The following CRAMP1 variants were observed in gnomAD, a reference collection of about 807,000 sequenced individuals.
CRAMP1 encodes the protein protein cramped-like.
Under a neutral mutation model 115.4 loss-of-function variants are expected in CRAMP1, and 50 were observed. That is an observed-to-expected ratio of 0.43 (90% CI 0.35 to 0.55). The LOEUF is 0.55. Among genes scored for constraint, CRAMP1 ranks in the 20% least tolerant of loss-of-function variants. CRAMP1 has a pLI of 0.01. For missense variants in CRAMP1, 1,679 were observed against 1,721.7 expected, an observed-to-expected ratio of 0.98 and a Z score of 0.44; for synonymous variants, 866 against 745.4, an observed-to-expected ratio of 1.16 and a Z score of -2.64.
At chr16:1,640,472 A>T (rs1456523473) in intron 5 of CRAMP1, among the ~76,000 whole-genome samples, 5 of 152,208 alleles carry the variant, frequency 3.3e-5, no homozygotes, top group African/African-American at 1.2e-4. Flanking sequence ...TCGTTTGTGG[A>T]GTTTTTTTCC....
rs60766555 is a variant in CRAMP1 at position 1,666,716 on chromosome 16, G to T, written c.3036+116G>T. The T allele has an allele frequency of 0.02, 19,134 of 963,902 alleles. 1,745 individuals carry two copies. In the Admixed American group the frequency reaches 0.21, roughly 11 times the overall value. The allele number at this position is 963,902 out of a possible 1,614,324, so 59.7% of individuals were successfully genotyped here. ...CTCTGCCTTTGGAGGAGAGTCTCTGGACCAGGGGTGCCATGGCATAAGCAA... is the reference window on the plus strand; with the variant it reads ...CTCTGCCTTTGGAGGAGAGTCTCTGTACCAGGGGTGCCATGGCATAAGCAA... On this transcript the variant is annotated intron_variant, in intron 16 of 20. Coordinates refer to ENST00000397412, the MANE Select transcript of CRAMP1 (RefSeq NM_020825.4). The surrounding 1 kb of genome is among the most constrained non-coding windows in gnomAD (Gnocchi z 5.0).
In CRAMP1 at chr16:1,614,965, G is replaced by T; in HGVS notation, c.326G>T (p.Gly109Val). The T allele has an allele frequency of 8.0e-7, 1 of 1,257,146 alleles. No homozygotes were observed. The allele number at this position is 1,257,146 out of a possible 1,614,324, so 77.9% of individuals were successfully genotyped here. A position where few individuals can be genotyped will look rare whatever the true frequency, so the allele number is the denominator to read the frequency against. Reference protein sequence around the residue: ...PSAVGSGNAGGSGPRGKGAEG... With the variant: ...PSAVGSGNAGVSGPRGKGAEG... ...GCTGTGGGGAGCGGCAACGCCGGTG[G>T]CTCGGGGCCCCGCGGAAAAGGTAGG... The change falls in exon 2 of 21, where the codon GGC (glycine) becomes GTC (valine). Residue 109 changes from glycine to valine, a missense_variant. Gly to Val is a moderately radical substitution (Grantham distance 109). Around this residue, in one of 8 missense-constraint regions of CRAMP1, gnomAD observed 264 missense variants for 229.7 expected, o/e 1.15. Coordinates refer to ENST00000397412, the MANE Select transcript of CRAMP1 (RefSeq NM_020825.4). This position sits in a 1 kb window ranked among gnomAD's most constrained non-coding sequence, Gnocchi z 4.4.
chr16:1,649,641 C>G (rs188644029), intron 6 of CRAMP1, among the ~76,000 whole-genome samples: 21 of 152,128 alleles, frequency 1.4e-4, no homozygotes, highest in Middle Eastern at 3.4e-3. Flanking sequence ...AGGCACCCAC[C>G]ACCACGCCTG....
At chr16:1,627,729 C>G (rs549632485) in intron 3 of CRAMP1, among the ~76,000 whole-genome samples, 1 of 152,314 alleles carries the variant, frequency 6.6e-6, no homozygotes, top group East Asian at 1.9e-4. Flanking sequence ...CATTTAAACA[C>G]ATTCGTGTGT....
At chr16:1,638,544 G>C (rs1329132775) in intron 5 of CRAMP1, among the ~76,000 whole-genome samples, 1 of 152,150 alleles carries the variant, frequency 6.6e-6, no homozygotes, top group East Asian at 1.9e-4. Flanking sequence ...AGACATTTTT[G>C]ACACGACCTC....
intron 2 of CRAMP1, among the ~76,000 whole-genome samples, chr16:1,616,546 C>A (rs1165427862): frequency 2.6e-5 from 4 of 152,136 alleles, no homozygotes; most frequent in Non-Finnish European, 4.4e-5. Flanking sequence ...GCTGCTGAGA[C>A]GTTAGTGATC....
chr16:1,659,040 T>A (rs546096549), intron 10 of CRAMP1, among the ~76,000 whole-genome samples: 1 of 152,176 alleles, frequency 6.6e-6, no homozygotes, highest in African/African-American at 2.4e-5. Context: ...GCACATCCCC[T>A]GGGGTTGGGC....
rs373148310 is a variant in CRAMP1 at position 1,665,116 on chromosome 16, C to T, written c.2730C>T (p.Ile910=). The T allele has an allele frequency of 1.9e-6, 3 of 1,612,356 alleles. No individual in the cohort carries two copies. Among genetic ancestry groups the T allele is most frequent in the Admixed American group, 3.3e-5 (2 of 60,036 alleles). The stretch of plus-strand genomic sequence containing the variant: ...CCCACAACGTTTGTTCCTTCTCCAT[C>T]CTGTCTAACTCTTCCGTAACTGGTA... ...NQSHNVCSFS[I]LSNSSVTGRG... The change falls in exon 14 of 21, where the codon ATC becomes ATT. Residue 910 remains isoleucine, a synonymous_variant. Coordinates refer to ENST00000397412, the MANE Select transcript of CRAMP1 (RefSeq NM_020825.4).
At chr16:1,668,889 AG>A in intron 18 of CRAMP1, 111 bp from the exon 19 acceptor site, 1 of 961,088 alleles carries the variant, frequency 1.0e-6, no homozygotes, top group Admixed American at 2.4e-5. Context: ...CATCTGGTTC[AG>A]CAGGGTAGAG....
At chr16:1,620,543 C>G in intron 2 of CRAMP1, 1 of 432,620 alleles carries the variant, frequency 2.3e-6, no homozygotes. Flanking sequence ...AGGAAGTTCA[C>G]CAAACCACAG....
rs2036902736 is a variant in CRAMP1, at chr16:1,669,330, C to T, written c.3499+165C>T. Among the ~76,000 whole-genome samples, 1 of 152,204 alleles carries T rather than the reference C, an allele frequency of 6.6e-6. No homozygotes were observed. The highest frequency in any genetic ancestry group is 1.5e-5 in the Non-Finnish European group (1 of 68,046). ...AGTTAATATTTTTGGGTGTAATTTA[C>T]ATGTAGGAAAATGTACACATTTTTA... is the stretch of plus-strand genomic sequence containing the variant. On this transcript the variant is annotated intron_variant, in intron 19 of 20. Transcript: ENST00000397412. The surrounding 1 kb of genome is among the most constrained non-coding windows in gnomAD (Gnocchi z 4.6).
chr16:1,666,672 A>T lies in CRAMP1; in HGVS notation c.3036+72A>T. Reference sequence around the variant, plus strand: ...TGTGGACGCCAAAGCCATGGGGCTGAGATCACGCTGGACTCCAGCTCTGCC... The same window carrying T: ...TGTGGACGCCAAAGCCATGGGGCTGTGATCACGCTGGACTCCAGCTCTGCC... On this transcript the variant is annotated intron_variant, in intron 16 of 20. Coordinates refer to ENST00000397412, the MANE Select transcript of CRAMP1 (RefSeq NM_020825.4). The surrounding 1 kb of genome is among the most constrained non-coding windows in gnomAD (Gnocchi z 5.0). 2.1e-6 allele frequency: 3 copies of T among 1,401,052 alleles called. No homozygotes were observed. Among genetic ancestry groups the T allele is most frequent in the Non-Finnish European group, 3.0e-6 (3 of 997,576 alleles). 86.8% of individuals were successfully genotyped at this position (1,401,052 alleles called of 1,614,324 possible).
rs748029109 is a variant in CRAMP1, at chr16:1,666,174, G to A, written c.2854G>A (p.Ala952Thr). Residue 952 changes from alanine (A) to threonine (T), a missense_variant, in exon 15 of 21, where the codon GCC becomes ACC. Ala to Thr is a moderately conservative substitution (Grantham distance 58). Coordinates refer to ENST00000397412, the MANE Select transcript of CRAMP1 (RefSeq NM_020825.4). The surrounding 1 kb of genome is among the most constrained non-coding windows in gnomAD (Gnocchi z 5.0). ...VLPPQATSHL[A>T]SAIDLAATSA... ...TCCACCCCAGGCCACGAGTCACCTG[G>A]CCAGTAAGTCTGTACCTGCATGGCC... 6.2e-7 allele frequency: 1 copy of A among 1,600,108 alleles called. No homozygotes were observed. Among genetic ancestry groups the A allele is most frequent in the African/African-American group, 1.3e-5 (1 of 74,664 alleles).
rs756973137 is a variant in CRAMP1 at position 1,666,422 on chromosome 16, G to A, written c.2858G>A (p.Ser953Asn). Residue 953 changes from serine to asparagine, a missense_variant and splice_region_variant, in exon 16 of 21, where the codon AGT (serine) becomes AAT (asparagine). This residue lies in a region of CRAMP1 where 709 missense variants were observed against 741.9 expected (regional missense o/e 0.96). Coordinates refer to ENST00000397412, the MANE Select transcript of CRAMP1 (RefSeq NM_020825.4). This position sits in a 1 kb window ranked among gnomAD's most constrained non-coding sequence, Gnocchi z 5.0. ...TGTGCAGCGTCCTTTTTGTTGCCAG[G>A]TGCTATCGACTTAGCAGCTACAAGT... Reference protein sequence around the residue: ...LPPQATSHLASAIDLAATSAG... With the variant: ...LPPQATSHLANAIDLAATSAG... 3.7e-6 allele frequency: 6 copies of A among 1,612,008 alleles called. No homozygotes were observed. In the South Asian group the frequency reaches 4.4e-5, roughly 12 times the overall value.
rs774537583 is a variant in CRAMP1, at chr16:1,655,884, C to T, written c.1127C>T (p.Thr376Ile). The T allele has an allele frequency of 6.2e-7, 1 of 1,607,326 alleles. No homozygotes were observed. The highest frequency in any genetic ancestry group is 8.5e-7 in the Non-Finnish European group (1 of 1,175,808). Reference sequence around the variant, plus strand: ...TCCTTGACGGGCACTCAGCGGAAGACACTCGAGGAGCGGCAGCTGCAGGAC... The same window carrying T: ...TCCTTGACGGGCACTCAGCGGAAGATACTCGAGGAGCGGCAGCTGCAGGAC... ...WALHEVRVRK[T>I]LEERQLQDSC... is the part of the protein sequence containing the mutation. The change falls in exon 10 of 21, where the codon ACA becomes ATA. Residue 376 changes from threonine to isoleucine, a missense_variant. By Grantham distance (89) the Thr-to-Ile change is moderately conservative (BLOSUM62 -1). Around this residue, in one of 8 missense-constraint regions of CRAMP1, gnomAD observed 191 missense variants for 236.2 expected, o/e 0.81. Transcript: ENST00000397412.
chr16:1,620,686 C>T (rs550203052), intron 2 of CRAMP1: 2 of 456,620 alleles, frequency 4.4e-6, no homozygotes, highest in Admixed American at 2.3e-5. Context: ...AGCCGCGTGC[C>T]TTTCGGTGAG....
intron 6 of CRAMP1, among the ~76,000 whole-genome samples, chr16:1,641,585 C>G (rs1380938770): frequency 6.6e-6 from 1 of 152,208 alleles, no homozygotes; most frequent in Non-Finnish European, 1.5e-5. Context: ...CTTCTGACAG[C>G]TTCCCTGCCT....
chr16:1,631,158 T>C (rs2036545612), intron 3 of CRAMP1, among the ~76,000 whole-genome samples: 1 of 152,264 alleles, frequency 6.6e-6, no homozygotes, highest in African/African-American at 2.4e-5. Flanking sequence ...CTGTGTTTGC[T>C]GATTGGAAGT....
chr16:1,622,072 G>T (rs2036469677), intron 2 of CRAMP1, among the ~76,000 whole-genome samples: 1 of 152,120 alleles, frequency 6.6e-6, no homozygotes, highest in South Asian at 2.1e-4. Context: ...GGTGTCTCTG[G>T]TCCCACTTTC....
Sources: gnomAD v4.1 joint callset for allele counts (sites outside exome capture counted in the v4.1 genomes callset) on GRCh38, gnomAD v4.1.1 for gene constraint, gnomAD v4.1.1 regional missense constraint, Gnocchi (gnomAD v3.1) non-coding constraint, MANE v1.5 for transcripts, NCBI Gene and HGNC (gene_info 2026-07-23, HGNC 2026-07-21) for gene names.